RNF10: variants seen among roughly 807,000 people sequenced by gnomAD.
The protein encoded by RNF10 is E3 ubiquitin-protein ligase RNF10.
RNF10 carries 38 observed loss-of-function variants against 91.4 expected under a neutral mutation model. That is an observed-to-expected ratio of 0.42 (90% CI 0.32 to 0.54). The LOEUF is 0.54. Among genes scored for constraint, RNF10 ranks in the 20% least tolerant of loss-of-function variants. The probability of loss-of-function intolerance (pLI) is 0.16; values close to 1 mark genes in which losing one functional copy is unlikely to be tolerated. For missense variants in RNF10, 945 were observed against 1,012.0 expected (o/e 0.93, Z 0.90); for synonymous variants, 364 against 366.3 (o/e 0.99, Z 0.07).
chr12:120,541,723 C>T (rs1348776304), intron 1 of RNF10, among the ~76,000 whole-genome samples: 3 of 150,946 alleles, frequency 2.0e-5, no homozygotes, highest in Non-Finnish European at 3.0e-5. Flanking sequence ...CATGAGCCAT[C>T]GTGCCTGGCT....
chr12:120,558,951 C>T (rs1406137036), intron 6 of RNF10, among the ~76,000 whole-genome samples: 1 of 151,826 alleles, frequency 6.6e-6, no homozygotes, highest in Non-Finnish European at 1.5e-5. Flanking sequence ...GAGATGGAAT[C>T]TCACTTTGTC....
chr12:120,567,863 GTGT>G (rs199799889), intron 13 of RNF10, among the ~76,000 whole-genome samples: 40,666 of 150,906 alleles, frequency 0.27, 6,561 homozygotes, highest in Admixed American at 0.39. Flanking sequence ...CATTATGGGT[GTGT>G]GTGTGTGTGT....
At chr12:120,548,055 G>A (rs992826486) in intron 2 of RNF10, among the ~76,000 whole-genome samples, 34 of 152,168 alleles carry the variant, frequency 2.2e-4, no homozygotes, top group African/African-American at 8.2e-4. Flanking sequence ...TTTGGCATAA[G>A]CCCAATTCAG....
At chr12:120,557,962 T>C (rs184489305) in intron 6 of RNF10, among the ~76,000 whole-genome samples, 253 of 152,310 alleles carry the variant, frequency 1.7e-3, no homozygotes, top group African/African-American at 6.0e-3. Context: ...GGTCAGCCAG[T>C]CTTGGTGCCT....
chr12:120,548,660 CTTTTT>C (rs5801391), intron 2 of RNF10, among the ~76,000 whole-genome samples: 1 of 133,366 alleles, frequency 7.5e-6, no homozygotes. Flanking sequence ...TTTTTTCTTT[CTTTTT>C]TTTTTTTTTT....
intron 1 of RNF10, among the ~76,000 whole-genome samples, chr12:120,544,897 G>A (rs11065157): frequency 0.26 from 40,249 of 152,040 alleles, 6,522 homozygotes; most frequent in Admixed American, 0.39. Context: ...ATGGGGGATT[G>A]GTTACATTAT....
At chr12:120,569,200 C>A (rs1876223446) in intron 13 of RNF10, among the ~76,000 whole-genome samples, 1 of 152,072 alleles carries the variant, frequency 6.6e-6, no homozygotes, top group Non-Finnish European at 1.5e-5. Context: ...AACTCCTGAC[C>A]TCAGGTGATC....
Position 120,571,231 on chromosome 12 carries a change from C to A in RNF10, c.2082C>A (p.Gly694=). ...CTCTGTCACCCACTGCCAGTCAGGG[C>A]AGTCCCTCATTCTGCGTTGGGAGTC... ...LTPLSPTASQ[G]SPSFCVGSLE... is the part of the protein sequence containing the mutation. Residue 694 remains glycine, a synonymous_variant, in exon 14 of 17, where the codon GGC becomes GGA. Coordinates refer to ENST00000325954, the MANE Select transcript of RNF10 (RefSeq NM_014868.5). 1 of 1,614,092 alleles carries A rather than the reference C, an allele frequency of 6.2e-7. No individual in the cohort carries two copies.
intron 4 of RNF10, among the ~76,000 whole-genome samples, chr12:120,555,460 G>C (rs1412324159): frequency 2.0e-5 from 3 of 151,108 alleles, no homozygotes; most frequent in African/African-American, 7.3e-5. Flanking sequence ...GGGGTTACAG[G>C]CGTGAGCCAC....
intron 2 of RNF10, 25 bp downstream of exon 2, chr12:120,546,626 C>T: frequency 1.3e-6 from 2 of 1,599,890 alleles, no homozygotes; most frequent in Non-Finnish European, 1.7e-6. Flanking sequence ...AATGTCCTTT[C>T]TAGAGCATAA....
intron 1 of RNF10, among the ~76,000 whole-genome samples, chr12:120,537,337 C>T (rs540803470): frequency 4.6e-5 from 7 of 151,912 alleles, no homozygotes; most frequent in Non-Finnish European, 8.8e-5. Flanking sequence ...TCTGTAAAAA[C>T]TCATGTAGGC....
At chr12:120,561,260 T>A (rs1472569951) in intron 7 of RNF10, among the ~76,000 whole-genome samples, 1 of 152,176 alleles carries the variant, frequency 6.6e-6, no homozygotes, top group Non-Finnish European at 1.5e-5. Flanking sequence ...TCTAGAGGTG[T>A]TTTGAAAGAC....
chr12:120,563,055 T>G lies in RNF10; in HGVS notation c.1239T>G (p.Val413=), dbSNP rs1875133606. Reference sequence around the variant, plus strand: ...TGGCTCCCTTGGCGAAGGAGTCTGTTTTTCAACCCAGGAAGGTTAGTGTGT... The same window carrying G: ...TGGCTCCCTTGGCGAAGGAGTCTGTGTTTCAACCCAGGAAGGTTAGTGTGT... ...VLMAPLAKES[V]FQPRKGVLEY... The change falls in exon 8 of 17, where the codon GTT becomes GTG. Residue 413 remains valine, a synonymous_variant. Transcript: ENST00000325954. 1 of 1,614,050 alleles carries G rather than the reference T, an allele frequency of 6.2e-7. No individual in the cohort carries two copies. Among genetic ancestry groups the G allele is most frequent in the Middle Eastern group, 1.6e-4 (1 of 6,062 alleles).
At position 120,577,195 on chromosome 12, in the gene RNF10, TC is replaced by T. The variant is rs1877508572; in HGVS notation, c.*530del. On this transcript the variant is annotated 3_prime_UTR_variant, in exon 17 of 17. Coordinates refer to ENST00000325954, the MANE Select transcript of RNF10 (RefSeq NM_014868.5). ...CAGTTTGAATTGCAGTTTTTTTTTT[TC>T]TGACACATGGCCAGGCTGTGGTGCC... The T allele has an allele frequency of 2.2e-6, 1 of 454,540 alleles. No homozygotes were observed. The highest frequency in any genetic ancestry group is 2.4e-5 in the Admixed American group (1 of 42,310). The allele number at this position is 454,540 out of a possible 1,614,324, so 28.2% of individuals were successfully genotyped here.
chr12:120,541,468 T>A (rs1466723148), intron 1 of RNF10, among the ~76,000 whole-genome samples: 4 of 145,130 alleles, frequency 2.8e-5, no homozygotes, highest in Non-Finnish European at 6.0e-5. Flanking sequence ...GGAGTCTCAC[T>A]CTGTCGCCCA....
chr12:120,576,698 GTT>G lies in RNF10; in HGVS notation c.*36_*37del. 6.3e-7 allele frequency: 1 copy of G among 1,582,746 alleles called. No individual in the cohort carries two copies. The highest frequency in any genetic ancestry group is 8.5e-7 in the Non-Finnish European group (1 of 1,170,124). ...TGGCCCAGGCTACCTTCTCCATCTG[GTT>G]TTTGTTTTTGTTTTTTTTTCCCCCA... On this transcript the variant is annotated 3_prime_UTR_variant, in exon 17 of 17. Coordinates refer to ENST00000325954, the MANE Select transcript of RNF10 (RefSeq NM_014868.5).
chr12:120,576,693 A>G lies in RNF10; in HGVS notation c.*27A>G. 4 of 1,589,040 alleles carry G rather than the reference A, an allele frequency of 2.5e-6. No individual in the cohort carries two copies. Among genetic ancestry groups the G allele is most frequent in the Non-Finnish European group, 3.4e-6 (4 of 1,173,068 alleles). On this transcript the variant is annotated 3_prime_UTR_variant, in exon 17 of 17. Transcript: ENST00000325954. ...ACTACTGGCCCAGGCTACCTTCTCC[A>G]TCTGGTTTTTGTTTTTGTTTTTTTT...
chr12:120,557,249 A>G (rs1368803947), intron 4 of RNF10, 33 bp from the exon 5 acceptor site: 2 of 1,607,714 alleles, frequency 1.2e-6, no homozygotes, highest in East Asian at 4.5e-5. Flanking sequence ...CAGTTCTTCA[A>G]GCAGTGAACC....
In RNF10 at chr12:120,562,536, A is replaced by C. The variant is rs1875033323; in HGVS notation, c.1129-409A>C. ...TGATCCGCCCACCTCAGTCTCCCAA[A>C]GTGCTGGGATTACAGGCATGAGCCA... On this transcript the variant is annotated intron_variant, in intron 7 of 16. Coordinates refer to ENST00000325954, the MANE Select transcript of RNF10 (RefSeq NM_014868.5). Among the ~76,000 whole-genome samples, 4 of 151,884 alleles carry C rather than the reference A, an allele frequency of 2.6e-5. No individual in the cohort carries two copies. In the South Asian group the frequency reaches 6.2e-4, roughly 24 times the overall value.
Sources: allele counts gnomAD v4.1 joint callset (sites outside exome capture counted in the v4.1 genomes callset), GRCh38; gene constraint gnomAD v4.1.1; transcripts MANE v1.5; gene names NCBI Gene and HGNC (gene_info 2026-07-23, HGNC 2026-07-21).